EWSR1: variants seen among roughly 807,000 people sequenced by gnomAD.
EWSR1 encodes the protein EWS RNA binding protein 1, also known as RNA-binding protein EWS.
EWSR1 carries 14 observed loss-of-function variants against 92.1 expected under a neutral mutation model. That is an observed-to-expected ratio of 0.15 (90% confidence interval 0.10 to 0.24). The LOEUF (loss-of-function observed/expected upper bound fraction) is 0.24. Ranked by LOEUF, EWSR1 falls within the 10% of genes least tolerant of loss-of-function variation. The pLI is 1.00. For synonymous variants in EWSR1, 303 were observed against 292.9 expected, an observed-to-expected ratio of 1.03 and a Z score of -0.35; for missense variants, 637 against 870.9, an observed-to-expected ratio of 0.73 and a Z score of 3.38.
chr22:29,290,331 A>T, intron 8 of EWSR1: 1 of 1,407,542 alleles, frequency 7.1e-7, no homozygotes, highest in Admixed American at 2.2e-5. Context: ...GCCCTTTTTC[A>T]TTGCCTCAGT....
At chr22:29,294,055 G>T (rs956910114) in intron 11 of EWSR1, among the ~76,000 whole-genome samples, 2 of 151,634 alleles carry the variant, frequency 1.3e-5, no homozygotes, top group African/African-American at 2.4e-5. Context: ...GTAGAGATGG[G>T]ATTTCACCAG....
chr22:29,277,895 CG>C, intron 4 of EWSR1, 134 bp from the exon 5 acceptor site: 1 of 720,398 alleles, frequency 1.4e-6, no homozygotes, highest in East Asian at 2.9e-5. Flanking sequence ...GCTACTCTTG[CG>C]GAAGGGGGAA....
chr22:29,274,244 T>C (rs372390959), intron 4 of EWSR1: 1 of 1,613,718 alleles, frequency 6.2e-7, no homozygotes, highest in Non-Finnish European at 8.5e-7. Flanking sequence ...CCCTCTACTT[T>C]TTGTTTTGTG....
intron 5 of EWSR1, among the ~76,000 whole-genome samples, chr22:29,281,804 C>G (rs1011219404): frequency 2.6e-5 from 4 of 151,490 alleles, no homozygotes; most frequent in Admixed American, 2.0e-4. Flanking sequence ...CCAGGATGGT[C>G]TCAATCTGCT....
chr22:29,273,634 T>TG (rs2058865928), intron 3 of EWSR1, 107 bp from the exon 4 acceptor site: 1 of 1,295,744 alleles, frequency 7.7e-7, no homozygotes, highest in South Asian at 1.4e-5. Context: ...TTTTTAATCT[T>TG]CTAGAAAGGA....
chr22:29,276,205 A>C (rs2059113025), intron 4 of EWSR1: 1 of 230,358 alleles, frequency 4.3e-6, no homozygotes, highest in Non-Finnish European at 8.6e-6. Flanking sequence ...CGGTATATGA[A>C]CGGTAGGGTA....
At chr22:29,298,148 A>C (rs2061014658) in intron 13 of EWSR1, among the ~76,000 whole-genome samples, 199 bp downstream of exon 13, 1 of 152,078 alleles carries the variant, frequency 6.6e-6, no homozygotes, top group Non-Finnish European at 1.5e-5. Flanking sequence ...CTGCCTGTCA[A>C]CTCCAGACTG....
intron 11 of EWSR1, among the ~76,000 whole-genome samples, chr22:29,294,712 G>A (rs953829128): frequency 2.6e-5 from 4 of 151,844 alleles, no homozygotes; most frequent in East Asian, 1.9e-4. Flanking sequence ...TCAAGAGATC[G>A]AGACCATCCT....
intron 1 of EWSR1, among the ~76,000 whole-genome samples, chr22:29,270,323 G>A (rs1193895871): frequency 6.6e-6 from 1 of 152,206 alleles, no homozygotes; most frequent in Admixed American, 6.5e-5. Context: ...AGAACCCCCA[G>A]CGCTCAATCA....
At position 29,282,385 on chromosome 22, in the gene EWSR1, C is replaced by G. The variant is rs1426504244; in HGVS notation, c.414-5C>G. The G allele has an allele frequency of 6.4e-7, 1 of 1,566,140 alleles. No individual in the cohort carries two copies. The highest frequency in any genetic ancestry group is 8.6e-7 in the Non-Finnish European group (1 of 1,161,914). On this transcript the variant is annotated splice_polypyrimidine_tract_variant and splice_region_variant and intron_variant, in intron 5 of 16. Transcript: ENST00000397938. ...TTTAATTTTATTTATTATTTCTCCT[C>G]TTAGACCGCAGGATGGAAACAAGCC... is the stretch of plus-strand genomic sequence containing the variant.
At chr22:29,290,747 A>C in intron 8 of EWSR1, 3 of 1,139,390 alleles carry the variant, frequency 2.6e-6, no homozygotes, top group Non-Finnish European at 3.3e-6. Context: ...CAACAGCTTG[A>C]AATTGTATAT....
intron 6 of EWSR1, among the ~76,000 whole-genome samples, chr22:29,284,515 A>G (rs953256707): frequency 4.6e-5 from 7 of 151,350 alleles, no homozygotes; most frequent in African/African-American, 1.7e-4. Context: ...GTTCGTACCT[A>G]TTGCATTGAG....
intron 12 of EWSR1, among the ~76,000 whole-genome samples, chr22:29,297,040 ACT>A (rs1322511204): frequency 5.3e-5 from 8 of 152,172 alleles, no homozygotes; most frequent in Middle Eastern, 3.4e-3. Context: ...ACGGAGCAAG[ACT>A]CTGTCTCAAA....
At chr22:29,299,934 A>G (rs2061211704) in intron 16 of EWSR1, 83 bp downstream of exon 16, 8 of 1,542,684 alleles carry the variant, frequency 5.2e-6, no homozygotes, top group Non-Finnish European at 7.0e-6. Flanking sequence ...GCAAGTCCTC[A>G]TGTCTCTAGG....
chr22:29,282,863 C>T (rs779960161), intron 6 of EWSR1, among the ~76,000 whole-genome samples: 4 of 151,360 alleles, frequency 2.6e-5, no homozygotes, highest in African/African-American at 4.9e-5. Flanking sequence ...CCTGGGTTCA[C>T]GCCATTCTCC....
chr22:29,277,774 T>C (rs940241556), intron 4 of EWSR1: 7 of 442,048 alleles, frequency 1.6e-5, no homozygotes, highest in East Asian at 3.6e-5. Flanking sequence ...CCCTGTTTTC[T>C]GTAGCATGAC....
At chr22:29,269,210 G>A (rs1262462482) in intron 1 of EWSR1, 1 of 152,206 alleles carries the variant, frequency 6.6e-6, no homozygotes. Flanking sequence ...AGGAACAAAA[G>A]GCCGAGCCTT....
At chr22:29,286,832 A>G (rs2060078788) in intron 6 of EWSR1, 91 bp from the exon 7 acceptor site, 2 of 892,818 alleles carry the variant, frequency 2.2e-6, no homozygotes, top group African/African-American at 1.7e-5. Flanking sequence ...TCTGTGTCAC[A>G]TGGTGTGAAT....
At chr22:29,278,651 C>T (rs1038303429) in intron 5 of EWSR1, among the ~76,000 whole-genome samples, 13 of 152,168 alleles carry the variant, frequency 8.5e-5, no homozygotes, top group Non-Finnish European at 1.3e-4. Context: ...GGTGAAACCC[C>T]GGCTCTGCTG....
Sources: gnomAD v4.1 joint callset for allele counts (sites outside exome capture counted in the v4.1 genomes callset) on GRCh38, gnomAD v4.1.1 for gene constraint, MANE v1.5 for transcripts, NCBI Gene and HGNC (gene_info 2026-07-23, HGNC 2026-07-21) for gene names.